The following GRIN2A variants were observed in gnomAD, a reference collection of about 807,000 sequenced individuals.
GRIN2A encodes the protein glutamate receptor ionotropic, NMDA 2A.
In GRIN2A, 22 loss-of-function variants were observed where a neutral mutation model predicts 113.4. The observed-to-expected ratio is 0.19, with a 90% CI of 0.14 to 0.28. The LOEUF (loss-of-function observed/expected upper bound fraction) is 0.28, where lower values mean the gene tolerates loss of function less well. Ranked by LOEUF, GRIN2A falls within the 10% of genes least tolerant of loss-of-function variation. The pLI is 1.00. For missense variants in GRIN2A, 1,502 were observed against 1,887.0 expected, an observed-to-expected ratio of 0.80 and a Z score of 3.78; for synonymous variants, 827 against 738.4, an observed-to-expected ratio of 1.12 and a Z score of -1.94.
chr16:10,109,632 C>CAAA (rs200838519), intron 2 of GRIN2A, among the ~76,000 whole-genome samples: 2 of 125,540 alleles, frequency 1.6e-5, no homozygotes, highest in Non-Finnish European at 3.4e-5. Flanking sequence ...AACCAGATTA[C>CAAA]AAAAAAAAAA....
chr16:9,762,294 G>C lies in GRIN2A; in HGVS notation c.*855C>G, dbSNP rs911185539. Reference sequence around the variant, plus strand: ...CAAACTTACGTACATAGGCGTCTTCGGGATAAACTACAATGGCCACTGTGT... The same window carrying C: ...CAAACTTACGTACATAGGCGTCTTCCGGATAAACTACAATGGCCACTGTGT... On this transcript the variant is annotated 3_prime_UTR_variant, in exon 13 of 13. Coordinates refer to ENST00000330684, the MANE Select transcript of GRIN2A (RefSeq NM_001134407.3). The C allele has an allele frequency of 8.8e-6, 2 of 226,066 alleles. No individual in the cohort carries two copies. The highest frequency in any genetic ancestry group is 4.5e-5 in the African/African-American group (2 of 44,842). 14.0% of individuals were successfully genotyped at this position (226,066 alleles called of 1,614,324 possible).
rs182647118 is a variant in GRIN2A at position 10,010,833 on chromosome 16, C to G, written c.415-72282G>C. 2.9e-3 allele frequency among the ~76,000 whole-genome samples: 442 copies of G among 152,284 alleles called. 2 individuals carry two copies. Among genetic ancestry groups the G allele is most frequent in the Non-Finnish European group, 5.3e-3 (359 of 68,030 alleles). On this transcript the variant is annotated intron_variant, in intron 2 of 12. Transcript: ENST00000330684. ...GGCCATGTATTTATACTGCACTGGT[C>G]TCTTCACCAGGACTGCTATGCTGCA...
chr16:10,108,239 T>A (rs1395461745), intron 2 of GRIN2A, among the ~76,000 whole-genome samples: 1 of 152,216 alleles, frequency 6.6e-6, no homozygotes, highest in South Asian at 2.1e-4. Flanking sequence ...AAGTCTTACA[T>A]GGATGGCAGC....
Position 9,754,934 on chromosome 16 carries a change from G to T in GRIN2A, c.*8215C>A, listed in dbSNP as rs1900295586. The T allele has an allele frequency of 4.6e-6, 1 of 218,806 alleles. No individual in the cohort carries two copies. The highest frequency in any genetic ancestry group is 5.8e-5 in the Admixed American group (1 of 17,314). 13.6% of individuals were successfully genotyped at this position (218,806 alleles called of 1,614,324 possible). A position where few individuals can be genotyped will look rare whatever the true frequency, so the allele number is the denominator to read the frequency against. ...AAATGCCAAAGACAAACTCATGTTTGCTGGAGAACAATTAACCTCATTAAT... is the reference window on the plus strand; with the variant it reads ...AAATGCCAAAGACAAACTCATGTTTTCTGGAGAACAATTAACCTCATTAAT... On this transcript the variant is annotated 3_prime_UTR_variant, in exon 13 of 13. Coordinates refer to ENST00000330684, the MANE Select transcript of GRIN2A (RefSeq NM_001134407.3).
rs774167375 is a variant in GRIN2A at position 9,959,842 on chromosome 16, C to T, written c.415-21291G>A. Reference sequence around the variant, plus strand: ...TACAAAAACTACCTGGGCGTGGTGGCGCATGCCTGTGATCCCAGCTACTCA... The same window carrying T: ...TACAAAAACTACCTGGGCGTGGTGGTGCATGCCTGTGATCCCAGCTACTCA... On this transcript the variant is annotated intron_variant, in intron 2 of 12. Transcript: ENST00000330684. Among the ~76,000 whole-genome samples, 6 of 152,102 alleles carry T rather than the reference C, an allele frequency of 3.9e-5. No individual in the cohort carries two copies. In the East Asian group the frequency reaches 5.8e-4, roughly 15 times the overall value.
chr16:9,979,793 A>ATATAT (rs1344530250), intron 2 of GRIN2A, among the ~76,000 whole-genome samples: 2 of 143,970 alleles, frequency 1.4e-5, no homozygotes, highest in East Asian at 4.3e-4. Flanking sequence ...GACTATATAT[A>ATATAT]TATATATATA....
At chr16:10,038,366 T>C (rs2047072947) in intron 2 of GRIN2A, among the ~76,000 whole-genome samples, 1 of 152,122 alleles carries the variant, frequency 6.6e-6, no homozygotes, top group African/African-American at 2.4e-5. Context: ...CACAGCACTT[T>C]TCCTCCTCTT....
intron 11 of GRIN2A, among the ~76,000 whole-genome samples, chr16:9,793,100 T>C (rs1382964062): frequency 6.6e-6 from 1 of 152,218 alleles, no homozygotes; most frequent in Non-Finnish European, 1.5e-5. Flanking sequence ...CAGTTCACTT[T>C]ACTCATTGGA....
intron 9 of GRIN2A, among the ~76,000 whole-genome samples, chr16:9,827,364 T>A (rs913345555): frequency 2.0e-5 from 3 of 152,102 alleles, no homozygotes; most frequent in African/African-American, 7.2e-5. Flanking sequence ...GGGGTGAGCA[T>A]GATTTACTAG....
At chr16:10,114,461 C>A (rs149218365) in intron 2 of GRIN2A, among the ~76,000 whole-genome samples, 2 of 152,282 alleles carry the variant, frequency 1.3e-5, no homozygotes, top group African/African-American at 4.8e-5. Context: ...GTAGGCCAGT[C>A]GCCCACAGAA....
intron 2 of GRIN2A, among the ~76,000 whole-genome samples, chr16:10,140,234 G>A (rs1303276082): frequency 6.6e-6 from 1 of 151,926 alleles, no homozygotes; most frequent in African/African-American, 2.4e-5. Context: ...AAATAAAATC[G>A]ATTAGTACTT....
In GRIN2A at chr16:9,764,477, G is replaced by C. The variant is rs748697551; in HGVS notation, c.3067C>G (p.Gln1023Glu). ...ACTGGATTCTGGGATAGTGAATCCT[G>C]GCGTATGGAATCCACGGATTTCTTC... is the stretch of plus-strand genomic sequence containing the variant. ...LWKKSVDSIR[Q>E]DSLSQNPVSQ... The change falls in exon 13 of 13, where the codon CAG becomes GAG. Residue 1023 changes from glutamine (Q) to glutamate (E), a missense_variant. Around this residue, in one of 7 missense-constraint regions of GRIN2A, gnomAD observed 832 missense variants for 789.7 expected, o/e 1.05. Coordinates refer to ENST00000330684, the MANE Select transcript of GRIN2A (RefSeq NM_001134407.3). 6.2e-6 allele frequency: 10 copies of C among 1,614,092 alleles called. No homozygotes were observed. The South Asian group carries it at 1.1e-4, about 18-fold the overall frequency.
intron 2 of GRIN2A, among the ~76,000 whole-genome samples, chr16:10,131,314 C>T (rs761915097): frequency 1.3e-5 from 2 of 152,160 alleles, no homozygotes; most frequent in Non-Finnish European, 2.9e-5. Flanking sequence ...CTCATGCCTG[C>T]AGGTCCCCCA....
chr16:9,831,520 C>CTTT (rs57684819), intron 8 of GRIN2A, among the ~76,000 whole-genome samples: 14 of 129,114 alleles, frequency 1.1e-4, no homozygotes, highest in African/African-American at 2.1e-4. Context: ...TTTTCTTTTT[C>CTTT]TTTTTTTTTT....
chr16:9,893,804 T>C (rs560212020), intron 3 of GRIN2A, among the ~76,000 whole-genome samples: 1 of 152,204 alleles, frequency 6.6e-6, no homozygotes, highest in Non-Finnish European at 1.5e-5. Flanking sequence ...AATTACTCTA[T>C]TTATTATAGA....
intron 2 of GRIN2A, among the ~76,000 whole-genome samples, chr16:10,043,569 G>C (rs2047202865): frequency 6.6e-6 from 1 of 152,050 alleles, no homozygotes; most frequent in Non-Finnish European, 1.5e-5. Context: ...CTACAAAGAT[G>C]CCACCAACTT....
chr16:9,831,284 C>T (rs1357496372), intron 8 of GRIN2A, among the ~76,000 whole-genome samples: 2 of 152,090 alleles, frequency 1.3e-5, no homozygotes, highest in East Asian at 3.9e-4. Flanking sequence ...TTTTACCTTC[C>T]AAAATGTAAC....
intron 11 of GRIN2A, among the ~76,000 whole-genome samples, chr16:9,772,354 C>A (rs1359041124): frequency 6.6e-6 from 1 of 152,150 alleles, no homozygotes; most frequent in Admixed American, 6.5e-5. Context: ...GTTGACGTCC[C>A]CCCTCCCTTT....
intron 10 of GRIN2A, among the ~76,000 whole-genome samples, chr16:9,805,326 G>A (rs921338974): frequency 2.4e-4 from 36 of 152,286 alleles, no homozygotes; most frequent in African/African-American, 7.5e-4. Flanking sequence ...TATAGTTAAA[G>A]TTAATTATTC....
Sources: gnomAD v4.1 joint callset for allele counts (sites outside exome capture counted in the v4.1 genomes callset) on GRCh38, gnomAD v4.1.1 for gene constraint, gnomAD v4.1.1 regional missense constraint, MANE v1.5 for transcripts, NCBI Gene and HGNC (gene_info 2026-07-23, HGNC 2026-07-21) for gene names.